Variants in GABRG3 observed in about 807,000 individuals in gnomAD.
The protein encoded by GABRG3 is gamma-aminobutyric acid receptor subunit gamma-3.
Under a neutral mutation model 48.8 loss-of-function variants are expected in GABRG3, and 25 were observed. That is an observed-to-expected ratio of 0.51 (90% CI 0.37 to 0.72). GABRG3 has a LOEUF of 0.72. Ranked by LOEUF, GABRG3 falls within the 30% of genes least tolerant of loss-of-function variation. GABRG3 has a pLI of 0.00. For missense variants in GABRG3, 394 were observed against 577.9 expected (o/e 0.68, Z 3.26); for synonymous variants, 227 against 217.6 (o/e 1.04, Z -0.38).
intron 5 of GABRG3, among the ~76,000 whole-genome samples, chr15:27,381,054 C>T (rs1247251739): frequency 1.3e-4 from 20 of 152,120 alleles, no homozygotes; most frequent in South Asian, 4.1e-4. Flanking sequence ...CCTGAGCCAC[C>T]GCGCCTGGCC....
chr15:27,118,907 A>C (rs1269759131), intron 3 of GABRG3, among the ~76,000 whole-genome samples: 1 of 152,200 alleles, frequency 6.6e-6, no homozygotes, highest in Non-Finnish European at 1.5e-5. Flanking sequence ...TAGTTGACTG[A>C]GGGGATCAGT....
intron 3 of GABRG3, among the ~76,000 whole-genome samples, chr15:27,133,190 A>G (rs1897950394): frequency 6.6e-6 from 1 of 152,174 alleles, no homozygotes; most frequent in African/African-American, 2.4e-5. Flanking sequence ...AAAAGTGAAT[A>G]TGATCATCCT....
At chr15:27,022,463 A>T (rs1312226919) in intron 2 of GABRG3, among the ~76,000 whole-genome samples, 1 of 152,226 alleles carries the variant, frequency 6.6e-6, no homozygotes, top group Non-Finnish European at 1.5e-5. Flanking sequence ...ACTTATTACC[A>T]TATGAAGATC....
At chr15:27,152,673 CTT>C (rs1254417158) in intron 3 of GABRG3, among the ~76,000 whole-genome samples, 2 of 152,068 alleles carry the variant, frequency 1.3e-5, no homozygotes, top group Admixed American at 1.3e-4. Flanking sequence ...TATTAAATGT[CTT>C]TTCATATCTT....
At chr15:27,124,788 G>C (rs1157637034) in intron 3 of GABRG3, among the ~76,000 whole-genome samples, 1 of 152,180 alleles carries the variant, frequency 6.6e-6, no homozygotes, top group Non-Finnish European at 1.5e-5. Flanking sequence ...CCCCATAAAG[G>C]TTATCTCTGC....
chr15:27,199,790 C>A (rs1045216323), intron 3 of GABRG3, among the ~76,000 whole-genome samples: 4 of 152,122 alleles, frequency 2.6e-5, no homozygotes, highest in Non-Finnish European at 4.4e-5. Flanking sequence ...TCAGATATTT[C>A]TTTATAGCAA....
intron 3 of GABRG3, among the ~76,000 whole-genome samples, chr15:27,089,007 G>T (rs911987750): frequency 3.3e-5 from 5 of 152,164 alleles, no homozygotes; most frequent in Admixed American, 6.5e-5. Context: ...TGTCAGGCTG[G>T]CTGGCGCCGG....
intron 6 of GABRG3, among the ~76,000 whole-genome samples, chr15:27,498,576 A>C (rs1227107632): frequency 6.6e-6 from 1 of 151,682 alleles, no homozygotes; most frequent in Non-Finnish European, 1.5e-5. Flanking sequence ...GCTCACTGCA[A>C]CCTCTGCCTC....
chr15:27,126,035 C>T (rs1318799275), intron 3 of GABRG3, among the ~76,000 whole-genome samples: 2 of 152,308 alleles, frequency 1.3e-5, no homozygotes, highest in Non-Finnish European at 2.9e-5. Flanking sequence ...ACAGTGATTG[C>T]AGATCACAGC....
rs977725310 is a variant in GABRG3 at position 27,199,268 on chromosome 15, G to A, written c.271-127541G>A. Reference sequence around the variant, plus strand: ...CCATTATATGAGTCTGGTCCTGGACGGGATGCACTTTTCTTTTAAATGAAT... The same window carrying A: ...CCATTATATGAGTCTGGTCCTGGACAGGATGCACTTTTCTTTTAAATGAAT... On this transcript the variant is annotated intron_variant, in intron 3 of 9. Coordinates refer to ENST00000615808, the MANE Select transcript of GABRG3 (RefSeq NM_033223.5). Among the ~76,000 whole-genome samples, 8 of 152,190 alleles carry A rather than the reference G, an allele frequency of 5.3e-5. No homozygotes were observed. In the Middle Eastern group the frequency reaches 0.01, roughly 194 times the overall value.
At chr15:27,026,960 A>C in intron 3 of GABRG3, 139 bp downstream of exon 3, 2 of 495,542 alleles carry the variant, frequency 4.0e-6, no homozygotes, top group South Asian at 4.3e-5. Flanking sequence ...ACTTATTGGA[A>C]TATTGAAAAT....
At chr15:27,351,570 ATGTG>A (rs1343354965) in intron 5 of GABRG3, among the ~76,000 whole-genome samples, 38 of 103,374 alleles carry the variant, frequency 3.7e-4, no homozygotes, top group African/African-American at 1.4e-3. Context: ...TGTATGGTGT[ATGTG>A]TGTATGGTGT....
intron 5 of GABRG3, among the ~76,000 whole-genome samples, chr15:27,367,950 C>A (rs1181094678): frequency 6.6e-6 from 1 of 152,084 alleles, no homozygotes; most frequent in African/African-American, 2.4e-5. Flanking sequence ...CTTCTGAAAT[C>A]TCTCTCTCTG....
intron 6 of GABRG3, among the ~76,000 whole-genome samples, chr15:27,495,170 C>G (rs540453326): frequency 6.6e-6 from 1 of 152,284 alleles, no homozygotes; most frequent in South Asian, 2.1e-4. Context: ...CCTTCTCTTT[C>G]TATGACTTTG....
chr15:27,041,917 G>A (rs1896283117), intron 3 of GABRG3, among the ~76,000 whole-genome samples: 1 of 152,282 alleles, frequency 6.6e-6, no homozygotes, highest in African/African-American at 2.4e-5. Flanking sequence ...CTTGAGGTGG[G>A]GGATGAGACC....
chr15:27,144,299 G>A (rs1898158283), intron 3 of GABRG3, among the ~76,000 whole-genome samples: 2 of 152,152 alleles, frequency 1.3e-5, no homozygotes, highest in African/African-American at 4.8e-5. Context: ...GCAGCCCACA[G>A]ATCATGCTGA....
rs189495466 is a variant in GABRG3, at chr15:27,538,987, C to G, written c.*6106C>G. ...AGTCTTCTCAAAATGACAACATTGT[C>G]ACTAACCACTTTTTAAAAAAGAACT... On this transcript the variant is annotated 3_prime_UTR_variant, in exon 10 of 10. Coordinates refer to ENST00000615808, the MANE Select transcript of GABRG3 (RefSeq NM_033223.5). 5.9e-5 allele frequency: 9 copies of G among 152,260 alleles called. No homozygotes were observed. The South Asian group carries it at 8.3e-4, about 14-fold the overall frequency. The allele number at this position is 152,260 out of a possible 1,614,324, so 9.4% of individuals were successfully genotyped here.
intron 6 of GABRG3, among the ~76,000 whole-genome samples, chr15:27,506,399 G>T (rs1890761231): frequency 6.6e-6 from 1 of 152,186 alleles, no homozygotes; most frequent in Non-Finnish European, 1.5e-5. Flanking sequence ...AGAAGAATTG[G>T]ATATGGTCTT....
At chr15:27,195,872 T>C (rs964472600) in intron 3 of GABRG3, among the ~76,000 whole-genome samples, 1 of 152,210 alleles carries the variant, frequency 6.6e-6, no homozygotes, top group Non-Finnish European at 1.5e-5. Flanking sequence ...TGGTCTCAAG[T>C]GATCTGCCTG....
Sources: gnomAD v4.1 joint callset for allele counts (sites outside exome capture counted in the v4.1 genomes callset) on GRCh38, gnomAD v4.1.1 for gene constraint, MANE v1.5 for transcripts, NCBI Gene and HGNC (gene_info 2026-07-23, HGNC 2026-07-21) for gene names.